The following MARCHF1 variants were observed in gnomAD, a reference collection of about 807,000 sequenced individuals.
MARCHF1 encodes membrane associated ring-CH-type finger 1, also known as E3 ubiquitin-protein ligase MARCHF1.
In MARCHF1, 40 loss-of-function variants were observed where a neutral mutation model predicts 54.2. That is an observed-to-expected ratio of 0.74 (90% CI 0.57 to 0.96). MARCHF1 has a LOEUF of 0.96. Among genes scored for constraint, MARCHF1 ranks in the 40% least tolerant of loss-of-function variants. The pLI, the probability that MARCHF1 is intolerant of heterozygous loss-of-function variation, is 0.00. For synonymous variants in MARCHF1, 236 were observed against 236.3 expected, an observed-to-expected ratio of 1.00 and a Z score of 0.01; for missense variants, 586 against 656.5, an observed-to-expected ratio of 0.89 and a Z score of 1.17.
intron 1 of MARCHF1, among the ~76,000 whole-genome samples, chr4:164,357,908 AG>A (rs1405242833): frequency 6.6e-6 from 1 of 152,208 alleles, no homozygotes; most frequent in Non-Finnish European, 1.5e-5. Context: ...TTTTCTAGAA[AG>A]AAACATCATC....
At chr4:163,742,628 C>T (rs1746240032) in intron 4 of MARCHF1, among the ~76,000 whole-genome samples, 1 of 148,710 alleles carries the variant, frequency 6.7e-6, no homozygotes, top group African/African-American at 2.4e-5. Flanking sequence ...AGGTGCACAC[C>T]ACCATGCCTG....
rs1015385483 is a variant in MARCHF1 at position 163,773,894 on chromosome 4, G to A, written c.112-73031C>T. On this transcript the variant is annotated intron_variant, in intron 4 of 9. Transcript: ENST00000514618. ...TTTTTACAATAAAAATATATATAAT[G>A]CCATGAATGGTGCCATTCAAGCCAA... 5.3e-5 allele frequency among the ~76,000 whole-genome samples: 8 copies of A among 152,174 alleles called. 1 individual carries two copies. The South Asian group carries it at 1.5e-3, about 28-fold the overall frequency.
At chr4:163,665,896 A>G (rs1379267990) in intron 5 of MARCHF1, among the ~76,000 whole-genome samples, 2 of 152,172 alleles carry the variant, frequency 1.3e-5, no homozygotes, top group African/African-American at 4.8e-5. Context: ...CTCAGAGGTT[A>G]GAGTTTTTGG....
chr4:163,592,447 T>C (rs1003354714), intron 7 of MARCHF1, among the ~76,000 whole-genome samples: 4 of 151,808 alleles, frequency 2.6e-5, no homozygotes, highest in Non-Finnish European at 5.9e-5. Flanking sequence ...GACAATGACA[T>C]GGCAATGTCC....
chr4:164,176,926 C>T (rs1730678662), intron 1 of MARCHF1, among the ~76,000 whole-genome samples: 1 of 133,758 alleles, frequency 7.5e-6, no homozygotes, highest in African/African-American at 2.7e-5. Flanking sequence ...TGTTATTTAT[C>T]TGAGTACCTT....
intron 1 of MARCHF1, among the ~76,000 whole-genome samples, chr4:164,157,825 A>G (rs1328972227): frequency 6.6e-6 from 1 of 152,114 alleles, no homozygotes; most frequent in East Asian, 1.9e-4. Flanking sequence ...ATAGGGACAC[A>G]TTCTGAGGTA....
chr4:164,169,963 C>T (rs192593546), intron 1 of MARCHF1, among the ~76,000 whole-genome samples: 1 of 152,220 alleles, frequency 6.6e-6, no homozygotes, highest in East Asian at 1.9e-4. Flanking sequence ...AACAGTAACT[C>T]ATGCCATTTT....
At chr4:164,165,325 G>A (rs2110955705) in intron 1 of MARCHF1, among the ~76,000 whole-genome samples, 1 of 151,332 alleles carries the variant, frequency 6.6e-6, no homozygotes, top group South Asian at 2.1e-4. Flanking sequence ...AAAAATTAAT[G>A]TTTTTATAGG....
chr4:164,268,967 T>C (rs774884698), intron 1 of MARCHF1, among the ~76,000 whole-genome samples: 72 of 152,298 alleles, frequency 4.7e-4, no homozygotes, highest in Non-Finnish European at 8.7e-4. Flanking sequence ...AGATGTCTAT[T>C]ATAATGAATT....
At chr4:163,818,460 C>T (rs1348218537) in intron 4 of MARCHF1, among the ~76,000 whole-genome samples, 1 of 151,986 alleles carries the variant, frequency 6.6e-6, no homozygotes, top group Non-Finnish European at 1.5e-5. Flanking sequence ...CTCATGAATC[C>T]TGATAGATAT....
In MARCHF1 at chr4:164,063,510, T is replaced by C. The variant is rs193290042; in HGVS notation, c.-248+48078A>G. 1.5e-3 allele frequency among the ~76,000 whole-genome samples: 223 copies of C among 152,354 alleles called. 1 individual carries two copies. Among genetic ancestry groups the C allele is most frequent in the Admixed American group, 4.4e-3 (67 of 15,312 alleles). Reference sequence around the variant, plus strand: ...GCAAGCATCAAACTGCTTAAATTCATATGGAAATATTTAAATTGAGGTATC... The same window carrying C: ...GCAAGCATCAAACTGCTTAAATTCACATGGAAATATTTAAATTGAGGTATC... On this transcript the variant is annotated intron_variant, in intron 2 of 9. Coordinates refer to ENST00000514618, the MANE Select transcript of MARCHF1 (RefSeq NM_001394959.1).
At chr4:164,029,965 T>A (rs79638952) in intron 2 of MARCHF1, among the ~76,000 whole-genome samples, 31 of 152,220 alleles carry the variant, frequency 2.0e-4, no homozygotes, top group Admixed American at 8.5e-4. Flanking sequence ...CCTTTGGGGA[T>A]TCTATCATTC....
intron 7 of MARCHF1, among the ~76,000 whole-genome samples, chr4:163,589,019 A>C (rs975049519): frequency 2.6e-4 from 39 of 149,596 alleles, no homozygotes; most frequent in Non-Finnish European, 2.4e-4. Flanking sequence ...CGAAAACCCC[A>C]CTTGGCCTGG....
intron 3 of MARCHF1, among the ~76,000 whole-genome samples, chr4:163,968,502 TCTTA>T (rs1752487021): frequency 6.6e-6 from 1 of 152,172 alleles, no homozygotes; most frequent in Non-Finnish European, 1.5e-5. Flanking sequence ...ATTTTGCACA[TCTTA>T]CTGTCTTCAA....
intron 1 of MARCHF1, among the ~76,000 whole-genome samples, chr4:164,217,986 C>T (rs936146809): frequency 6.6e-6 from 1 of 151,998 alleles, no homozygotes; most frequent in African/African-American, 2.4e-5. Context: ...GGAAGTATTT[C>T]ATCATAAAGG....
intron 5 of MARCHF1, among the ~76,000 whole-genome samples, chr4:163,626,224 A>C (rs1741867117): frequency 6.6e-6 from 1 of 152,220 alleles, no homozygotes; most frequent in Non-Finnish European, 1.5e-5. Context: ...GGTTTTCTGA[A>C]AATCCATTTA....
At chr4:164,359,262 T>C (rs907959963) in intron 1 of MARCHF1, among the ~76,000 whole-genome samples, 9 of 152,230 alleles carry the variant, frequency 5.9e-5, no homozygotes, top group African/African-American at 1.7e-4. Context: ...TCTCTATTCA[T>C]GAAAGAATGT....
chr4:163,632,785 C>CT (rs1226740911), intron 5 of MARCHF1, among the ~76,000 whole-genome samples: 1 of 152,258 alleles, frequency 6.6e-6, no homozygotes, highest in Non-Finnish European at 1.5e-5. Flanking sequence ...GGCTCAACCT[C>CT]TGGGGGCAGG....
intron 4 of MARCHF1, among the ~76,000 whole-genome samples, chr4:163,734,035 T>C (rs558860819): frequency 6.6e-6 from 1 of 152,284 alleles, no homozygotes; most frequent in East Asian, 1.9e-4. Flanking sequence ...TACAGATGTC[T>C]ACTAAGCACA....
Sources: allele counts gnomAD v4.1 joint callset (sites outside exome capture counted in the v4.1 genomes callset), GRCh38; gene constraint gnomAD v4.1.1; transcripts MANE v1.5; gene names NCBI Gene and HGNC (gene_info 2026-07-23, HGNC 2026-07-21).